Variants in KCNB2 observed in about 807,000 individuals in gnomAD.
KCNB2 encodes the protein potassium voltage-gated channel subfamily B member 2, also known as delayed rectifier potassium channel protein.
Under a neutral mutation model 61.5 loss-of-function variants are expected in KCNB2, and 15 were observed. The ratio of observed to expected loss-of-function variants is 0.24; its 90% CI spans 0.16 to 0.38. The LOEUF (loss-of-function observed/expected upper bound fraction) is 0.38. KCNB2 is among the 10% of genes least tolerant of loss of function. The pLI is 1.00. For synonymous variants in KCNB2, 457 were observed against 446.0 expected, an observed-to-expected ratio of 1.02 and a Z score of -0.31; for missense variants, 828 against 1,125.2, an observed-to-expected ratio of 0.74 and a Z score of 3.78.
At chr8:72,559,007 C>CAG (rs138112786) in intron 1 of KCNB2, among the ~76,000 whole-genome samples, 2 of 150,332 alleles carry the variant, frequency 1.3e-5, no homozygotes, top group East Asian at 1.9e-4. Flanking sequence ...GGATCTACAA[C>CAG]AGAGAGAGAG....
At chr8:72,893,133 G>T (rs1373891992) in intron 2 of KCNB2, among the ~76,000 whole-genome samples, 7 of 151,536 alleles carry the variant, frequency 4.6e-5, no homozygotes, top group Non-Finnish European at 8.8e-5. Context: ...GCCATGGCAT[G>T]GTATATGATT....
At chr8:72,666,478 G>A (rs1175771062) in intron 2 of KCNB2, among the ~76,000 whole-genome samples, 1 of 152,084 alleles carries the variant, frequency 6.6e-6, no homozygotes, top group Non-Finnish European at 1.5e-5. Flanking sequence ...ATTATCAAGT[G>A]TAATTTTCAT....
intron 2 of KCNB2, among the ~76,000 whole-genome samples, chr8:72,695,117 C>T (rs1371466596): frequency 6.6e-6 from 1 of 152,042 alleles, no homozygotes; most frequent in Non-Finnish European, 1.5e-5. Flanking sequence ...CATTTGAGGA[C>T]TAAATGATAT....
intron 1 of KCNB2, among the ~76,000 whole-genome samples, chr8:72,542,188 G>A (rs1259818877): frequency 6.6e-6 from 1 of 152,076 alleles, no homozygotes; most frequent in Non-Finnish European, 1.5e-5. Context: ...TGTGAACAAT[G>A]TCATCCAGAT....
Position 72,746,339 on chromosome 8 carries a change from A to AGAG in KCNB2, c.579+178026_579+178027insGAG, listed in dbSNP as rs76640121. Among the ~76,000 whole-genome samples, 46 of 151,776 alleles carry AGAG rather than the reference A, an allele frequency of 3.0e-4. No individual in the cohort carries two copies. The South Asian group carries it at 7.3e-3, about 24-fold the overall frequency. On this transcript the variant is annotated intron_variant, in intron 2 of 2. Transcript: ENST00000523207. ...GACATCAATATTATGAAAAGTGGTG[A>AGAG]AAGGCAACCCTAGCTTGTCCTTTTG...
intron 2 of KCNB2, among the ~76,000 whole-genome samples, chr8:72,802,164 T>TA (rs1809144315): frequency 6.6e-6 from 1 of 152,222 alleles, no homozygotes; most frequent in Non-Finnish European, 1.5e-5. Flanking sequence ...AAACAGCTGT[T>TA]ACGTTCTACC....
chr8:72,808,988 T>C (rs1389457092), intron 2 of KCNB2, among the ~76,000 whole-genome samples: 1 of 152,178 alleles, frequency 6.6e-6, no homozygotes, highest in East Asian at 1.9e-4. Context: ...GACCATAAGA[T>C]CCTTGAGGAC....
At position 72,785,085 on chromosome 8, in the gene KCNB2, A is replaced by C. The variant is rs79214949; in HGVS notation, c.580-150850A>C. On this transcript the variant is annotated intron_variant, in intron 2 of 2. Coordinates refer to ENST00000523207, the MANE Select transcript of KCNB2 (RefSeq NM_004770.3). ...TCTCAATTTAAATTATTTTCAACAT[A>C]AAGGGAATGTGGCTTGCTGCTATAA... is the stretch of plus-strand genomic sequence containing the variant. Among the ~76,000 whole-genome samples the C allele has an allele frequency of 1.9e-3, 287 of 152,318 alleles. 10 individuals are homozygous for C. The East Asian group carries it at 0.05, about 27-fold the overall frequency.
chr8:72,569,867 TA>T (rs1806684259), intron 2 of KCNB2, among the ~76,000 whole-genome samples: 1 of 152,190 alleles, frequency 6.6e-6, no homozygotes, highest in Non-Finnish European at 1.5e-5. Context: ...CAGAGAAAGT[TA>T]GCCAACTGTA....
At chr8:72,751,401 G>A (rs1208912751) in intron 2 of KCNB2, 1 of 152,128 alleles carries the variant, frequency 6.6e-6, no homozygotes, top group African/African-American at 2.4e-5. Context: ...AAAGATTACA[G>A]ACATACTGAT....
chr8:72,720,793 CG>C (rs2128992729), intron 2 of KCNB2, among the ~76,000 whole-genome samples: 1 of 152,144 alleles, frequency 6.6e-6, no homozygotes, highest in East Asian at 1.9e-4. Flanking sequence ...CTGCATGCCA[CG>C]GTACTCAATC....
intron 2 of KCNB2, among the ~76,000 whole-genome samples, chr8:72,698,151 A>G (rs1290821429): frequency 2.0e-5 from 3 of 152,188 alleles, no homozygotes; most frequent in East Asian, 1.9e-4. Flanking sequence ...AACGACTTCA[A>G]TAAAGTTTCA....
intron 2 of KCNB2, among the ~76,000 whole-genome samples, chr8:72,816,226 C>T (rs1215503547): frequency 2.6e-5 from 4 of 152,260 alleles, no homozygotes; most frequent in Middle Eastern, 3.4e-3. Flanking sequence ...TGCTCATCAC[C>T]ATGAGACGTT....
At chr8:72,934,218 A>G (rs992897147) in intron 2 of KCNB2, among the ~76,000 whole-genome samples, 1 of 152,150 alleles carries the variant, frequency 6.6e-6, no homozygotes, top group African/African-American at 2.4e-5. Context: ...TACAAAAAAA[A>G]TTAGCTGAGC....
intron 2 of KCNB2, among the ~76,000 whole-genome samples, chr8:72,708,538 C>G (rs1807272635): frequency 1.3e-5 from 2 of 152,150 alleles, no homozygotes; most frequent in African/African-American, 2.4e-5. Context: ...CTTCTCTCAT[C>G]AAGGGTTGAA....
intron 2 of KCNB2, among the ~76,000 whole-genome samples, chr8:72,708,375 G>T (rs977518494): frequency 3.3e-5 from 5 of 152,200 alleles, no homozygotes; most frequent in Non-Finnish European, 5.9e-5. Context: ...CTAAGCGCTC[G>T]TGGAGGTGAA....
chr8:72,849,088 C>G (rs1470056940), intron 2 of KCNB2, among the ~76,000 whole-genome samples: 1 of 146,552 alleles, frequency 6.8e-6, no homozygotes, highest in Non-Finnish European at 1.5e-5. Flanking sequence ...CTTCTAAGGC[C>G]CAGCTAAGTA....
At chr8:72,627,421 A>G (rs1216841465) in intron 2 of KCNB2, among the ~76,000 whole-genome samples, 1 of 152,218 alleles carries the variant, frequency 6.6e-6, no homozygotes, top group African/African-American at 2.4e-5. Context: ...TAACCTAGAA[A>G]TGATAGAAAG....
rs1389237739 is a variant in KCNB2, at chr8:72,936,070, G to A, written c.715G>A (p.Val239Met). ...CCGCCAATTAGCACACGTGGAGGCT[G>A]TGTGTATTGCATGGTTTACCATGGA... ...DNRQLAHVEA[V>M]CIAWFTMEYL... The change falls in exon 3 of 3, where the codon GTG (valine) becomes ATG (methionine). Residue 239 changes from valine to methionine, a missense_variant. Physicochemically the swap from Val to Met is conservative, Grantham distance 21 (BLOSUM62 1). Coordinates refer to ENST00000523207, the MANE Select transcript of KCNB2 (RefSeq NM_004770.3). This position sits in a 1 kb window ranked among gnomAD's most constrained non-coding sequence, Gnocchi z 5.6. 5.6e-6 allele frequency: 9 copies of A among 1,614,228 alleles called. No homozygotes were observed. The highest frequency in any genetic ancestry group is 2.2e-5 in the South Asian group (2 of 91,090).
Sources: allele counts gnomAD v4.1 joint callset (sites outside exome capture counted in the v4.1 genomes callset), GRCh38; gene constraint gnomAD v4.1.1; non-coding constraint Gnocchi (gnomAD v3.1); transcripts MANE v1.5; gene names NCBI Gene and HGNC (gene_info 2026-07-23, HGNC 2026-07-21).